Variants in MTMR2 observed in about 807,000 individuals in gnomAD.
MTMR2 encodes phosphatidylinositol-3,5-bisphosphate 3-phosphatase MTMR2.
In MTMR2, 55 loss-of-function variants were observed where a neutral mutation model predicts 86.9. The ratio of observed to expected loss-of-function variants is 0.63; its 90% confidence interval spans 0.51 to 0.79. The LOEUF (loss-of-function observed/expected upper bound fraction) is 0.79. Among genes scored for constraint, MTMR2 ranks in the 30% least tolerant of loss-of-function variants. The probability of loss-of-function intolerance (pLI) is 0.00; values close to 1 mark genes in which losing one functional copy is unlikely to be tolerated. For synonymous variants in MTMR2, 241 were observed against 266.8 expected, an observed-to-expected ratio of 0.90 and a Z score of 0.94; for missense variants, 659 against 772.3, an observed-to-expected ratio of 0.85 and a Z score of 1.74.
At chr11:95,914,497 C>T (rs893150179) in intron 1 of MTMR2, among the ~76,000 whole-genome samples, 2 of 151,992 alleles carry the variant, frequency 1.3e-5, no homozygotes, top group African/African-American at 4.8e-5. Context: ...ATGATACTAC[C>T]GATACTACCC....
At chr11:95,890,147 T>C (rs1325526098) in intron 1 of MTMR2, among the ~76,000 whole-genome samples, 3 of 152,214 alleles carry the variant, frequency 2.0e-5, no homozygotes, top group Admixed American at 2.0e-4. Context: ...AAACACAACA[T>C]AGTATTTCCA....
At chr11:95,905,604 T>C (rs1866245294) in intron 1 of MTMR2, among the ~76,000 whole-genome samples, 2 of 152,166 alleles carry the variant, frequency 1.3e-5, no homozygotes, top group South Asian at 4.1e-4. Flanking sequence ...CCTCAGCACA[T>C]TCATCTTTAA....
chr11:95,917,308 C>A (rs757082794), intron 1 of MTMR2, among the ~76,000 whole-genome samples: 1 of 152,146 alleles, frequency 6.6e-6, no homozygotes, highest in Non-Finnish European at 1.5e-5. Flanking sequence ...CTGAATCGCA[C>A]GCAATCTTTG....
intron 2 of MTMR2, among the ~76,000 whole-genome samples, chr11:95,873,445 G>A (rs1864974474): frequency 6.6e-6 from 1 of 152,144 alleles, no homozygotes; most frequent in South Asian, 2.1e-4. Context: ...TGTGGGATCG[G>A]TGGTGATCTT....
Position 95,833,615 on chromosome 11 carries a change from GTT to G in MTMR2, c.*1673_*1674del, listed in dbSNP as rs1863122494. The G allele has an allele frequency of 6.6e-6, 1 of 152,084 alleles. No individual in the cohort carries two copies. The allele number at this position is 152,084 out of a possible 1,614,324, so 9.4% of individuals were successfully genotyped here. ...TTGAATTTGAAGTGGATGCAAGTAT[GTT>G]AAGACTAGAAGCTTTAAATTCTTGA... On this transcript the variant is annotated 3_prime_UTR_variant, in exon 15 of 15. Coordinates refer to ENST00000346299, the MANE Select transcript of MTMR2 (RefSeq NM_016156.6).
chr11:95,920,252 G>C (rs1183885205), intron 1 of MTMR2, among the ~76,000 whole-genome samples: 1 of 152,168 alleles, frequency 6.6e-6, no homozygotes, highest in African/African-American at 2.4e-5. Context: ...AAGAGTTGCT[G>C]AACAGTTTAC....
At chr11:95,890,690 T>C (rs114967521) in intron 1 of MTMR2, among the ~76,000 whole-genome samples, 3 of 152,302 alleles carry the variant, frequency 2.0e-5, no homozygotes, top group Admixed American at 1.3e-4. Flanking sequence ...AGGATGAGCA[T>C]AGGTTCTTGT....
intron 1 of MTMR2, among the ~76,000 whole-genome samples, chr11:95,896,557 C>A (rs1300275890): frequency 1.3e-5 from 2 of 151,976 alleles, no homozygotes; most frequent in Non-Finnish European, 2.9e-5. Context: ...ACATTCTACT[C>A]CTAGGACCTA....
rs1863269909 is a variant in MTMR2 at position 95,836,195 on chromosome 11, G to C, written c.1723C>G (p.Leu575Val). Residue 575 changes from leucine (L) to valine (V), a missense_variant, in exon 14 of 15, where the codon CTC (leucine) becomes GTC (valine). Coordinates refer to ENST00000346299, the MANE Select transcript of MTMR2 (RefSeq NM_016156.6). ...YPVASMRHLE[L>V]WVGYYIRWNP... ...CACCTTATGTAATATCCCACCCAGA[G>C]CTCTAGGTGGCGCATGCTGGCTACT... 2.5e-6 allele frequency: 4 copies of C among 1,613,032 alleles called. No individual in the cohort carries two copies. Among genetic ancestry groups the C allele is most frequent in the Middle Eastern group, 3.3e-4 (2 of 6,054 alleles).
rs567766231 is a variant in MTMR2, at chr11:95,876,095, C to T, written c.187-10419G>A. ...TTGTCCATTCTCAGATCTCCAGCTG[C>T]GTGCTGGGAGAACCACTACTCTCTT... is the stretch of plus-strand genomic sequence containing the variant. On this transcript the variant is annotated intron_variant, in intron 2 of 14. Transcript: ENST00000346299. Among the ~76,000 whole-genome samples the T allele has an allele frequency of 2.5e-3, 380 of 152,308 alleles. 1 individual carries two copies. Among genetic ancestry groups the T allele is most frequent in the Middle Eastern group, 0.024 (7 of 294 alleles).
intron 2 of MTMR2, among the ~76,000 whole-genome samples, chr11:95,873,587 CTCTA>C (rs1370265796): frequency 2.0e-5 from 3 of 152,090 alleles, no homozygotes; most frequent in Admixed American, 6.5e-5. Context: ...TTTTTTGTGT[CTCTA>C]TCTCCTTCAG....
At position 95,835,373 on chromosome 11, in the gene MTMR2, C is replaced by G; in HGVS notation, c.1849G>C (p.Glu617Gln). 2 of 1,613,164 alleles carry G rather than the reference C, an allele frequency of 1.2e-6. No homozygotes were observed. The highest frequency in any genetic ancestry group is 1.7e-6 in the Non-Finnish European group (2 of 1,179,400). The change falls in exon 15 of 15, where the codon GAG (glutamate) becomes CAG (glutamine). Residue 617 changes from glutamate to glutamine, a missense_variant. By Grantham distance (29) the Glu-to-Gln change is conservative. This residue lies in a region of MTMR2 where 193 missense variants were observed against 191.6 expected (regional missense o/e 1.01). Transcript: ENST00000346299. The stretch of plus-strand genomic sequence containing the variant: ...GATGAGGTTGATCGGTTAGAAATCT[C>G]TCTCTGTAGTTCCTCTACTTTTTTC... Reference protein sequence around the residue: ...LQKKVEELQREISNRSTSSSE... With the variant: ...LQKKVEELQRQISNRSTSSSE...
chr11:95,903,369 C>A (rs988731329), intron 1 of MTMR2, among the ~76,000 whole-genome samples: 1 of 152,146 alleles, frequency 6.6e-6, no homozygotes, highest in African/African-American at 2.4e-5. Flanking sequence ...TTATTACAGT[C>A]GTTCCCTTGC....
At chr11:95,888,978 G>A (rs1236543534) in intron 1 of MTMR2, among the ~76,000 whole-genome samples, 1 of 152,074 alleles carries the variant, frequency 6.6e-6, no homozygotes, top group African/African-American at 2.4e-5. Flanking sequence ...GTTGAATAAG[G>A]GTGAATGGAT....
intron 1 of MTMR2, among the ~76,000 whole-genome samples, chr11:95,901,585 C>CAG (rs145407019): frequency 2.6e-5 from 4 of 150,980 alleles, no homozygotes; most frequent in Non-Finnish European, 4.4e-5. Context: ...GTGGCACAGC[C>CAG]AGAGAGAGAG....
At chr11:95,906,027 C>T (rs1475363416) in intron 1 of MTMR2, among the ~76,000 whole-genome samples, 2 of 152,126 alleles carry the variant, frequency 1.3e-5, no homozygotes, top group African/African-American at 2.4e-5. Flanking sequence ...GAGTTTGAGA[C>T]CAGCCAGGCC....
intron 1 of MTMR2, among the ~76,000 whole-genome samples, chr11:95,899,969 T>C (rs1460034943): frequency 1.3e-5 from 2 of 152,148 alleles, no homozygotes; most frequent in Admixed American, 6.6e-5. Context: ...AATAGTTCTA[T>C]GTGCAGAGAC....
intron 5 of MTMR2, among the ~76,000 whole-genome samples, 184 bp from the exon 6 acceptor site, chr11:95,858,816 C>A (rs914110722): frequency 2.6e-5 from 4 of 152,086 alleles, no homozygotes; most frequent in African/African-American, 9.7e-5. Flanking sequence ...CTGAAAGAAA[C>A]ACAAGGTACT....
intron 1 of MTMR2, among the ~76,000 whole-genome samples, chr11:95,906,876 CA>C (rs764744169): frequency 2.3e-4 from 35 of 152,114 alleles, no homozygotes; most frequent in Non-Finnish European, 4.0e-4. Flanking sequence ...ATCGCTAAAG[CA>C]GTGTTAAGAG....
Sources: allele counts gnomAD v4.1 joint callset (sites outside exome capture counted in the v4.1 genomes callset), GRCh38; gene constraint gnomAD v4.1.1; regional missense constraint gnomAD v4.1.1; transcripts MANE v1.5; gene names NCBI Gene and HGNC (gene_info 2026-07-23, HGNC 2026-07-21).